The following NBAS variants were observed in gnomAD, a reference collection of about 807,000 sequenced individuals.
The protein encoded by NBAS is NAG/BC035112 fusion.
NBAS carries 219 observed loss-of-function variants against 302.5 expected under a neutral mutation model. The ratio of observed to expected loss-of-function variants is 0.72; its 90% CI spans 0.65 to 0.81. NBAS has a LOEUF of 0.81. Ranked by LOEUF, NBAS falls within the 30% of genes least tolerant of loss-of-function variation. The probability of loss-of-function intolerance (pLI) is 0.00; values close to 1 mark genes in which losing one functional copy is unlikely to be tolerated. For missense variants in NBAS, 2,932 were observed against 2,841.6 expected (o/e 1.03, Z -0.72); for synonymous variants, 1,118 against 1,021.6 (o/e 1.09, Z -1.80).
chr2:15,557,895 T>C (rs1380750894), intron 2 of NBAS, among the ~76,000 whole-genome samples: 2 of 152,210 alleles, frequency 1.3e-5, no homozygotes, highest in African/African-American at 2.4e-5. Context: ...TACGTAAAAT[T>C]TGTCAGGAGT....
chr2:15,437,371 A>C (rs1326773672), intron 21 of NBAS, among the ~76,000 whole-genome samples: 1 of 152,162 alleles, frequency 6.6e-6, no homozygotes, highest in East Asian at 1.9e-4. Context: ...ATAAACAAAG[A>C]AGCACAGAGG....
chr2:15,416,564 G>T (rs1028886662), intron 24 of NBAS, among the ~76,000 whole-genome samples: 2 of 152,118 alleles, frequency 1.3e-5, no homozygotes, highest in Middle Eastern at 3.2e-3. Flanking sequence ...AGCACTTTGG[G>T]AGGCCTAGGC....
the NBAS span, among the ~76,000 whole-genome samples, chr2:15,158,036 G>A: frequency 7.9e-5 from 12 of 152,142 alleles, no homozygotes; most frequent in Admixed American, 2.6e-4. Flanking sequence ...CAAGGGAACC[G>A]GGGGGACTCT....
At chr2:14,991,974 G>A in the NBAS span, among the ~76,000 whole-genome samples, 1 of 152,152 alleles carries the variant, frequency 6.6e-6, no homozygotes, top group Non-Finnish European at 1.5e-5. Flanking sequence ...TACGGAGGAG[G>A]AGCACCTTTG....
At chr2:15,002,300 C>A in the NBAS span, among the ~76,000 whole-genome samples, 96 of 152,298 alleles carry the variant, frequency 6.3e-4, no homozygotes, top group African/African-American at 2.2e-3. Flanking sequence ...CAAGGCCCCA[C>A]CAGAGTAGCT....
At chr2:15,340,048 C>G (rs543547084) in intron 35 of NBAS, among the ~76,000 whole-genome samples, 9 of 152,032 alleles carry the variant, frequency 5.9e-5, no homozygotes, top group Non-Finnish European at 1.3e-4. Flanking sequence ...GAAAAGAGAC[C>G]ATGGGTGTCC....
the NBAS span, among the ~76,000 whole-genome samples, chr2:14,985,841 T>G: frequency 6.6e-6 from 1 of 152,206 alleles, no homozygotes; most frequent in African/African-American, 2.4e-5. Context: ...TAAAATTGCA[T>G]TATTAATTCT....
intron 48 of NBAS, among the ~76,000 whole-genome samples, chr2:15,212,806 C>T (rs1283721541): frequency 3.9e-5 from 6 of 152,200 alleles, no homozygotes; most frequent in Non-Finnish European, 4.4e-5. Flanking sequence ...GACCTGTTTG[C>T]TTCCCCTTCT....
Position 15,234,731 on chromosome 2 carries a change from T to C in NBAS, c.5960A>G (p.Tyr1987Cys), listed in dbSNP as rs1558460939. The change falls in exon 46 of 52, where the codon TAC (tyrosine) becomes TGC (cysteine). Residue 1987 changes from tyrosine (Y) to cysteine (C), a missense_variant. Coordinates refer to ENST00000281513, the MANE Select transcript of NBAS (RefSeq NM_015909.4). ...KNSEQETLQKYSHLYDLSRSE... is the reference protein window; with the variant it reads ...KNSEQETLQKCSHLYDLSRSE... Reference sequence around the variant, plus strand: ...TCGGGACAGATCATAGAGGTGACTGTATTTTTGCAGTGTTTCCTGTAAAGA... The same window carrying C: ...TCGGGACAGATCATAGAGGTGACTGCATTTTTGCAGTGTTTCCTGTAAAGA... 6.2e-7 allele frequency: 1 copy of C among 1,614,150 alleles called. No individual in the cohort carries two copies. Among genetic ancestry groups the C allele is most frequent in the Non-Finnish European group, 8.5e-7 (1 of 1,179,978 alleles).
the NBAS span, among the ~76,000 whole-genome samples, chr2:15,147,216 T>C: frequency 6.6e-6 from 1 of 152,164 alleles, no homozygotes; most frequent in South Asian, 2.1e-4. Flanking sequence ...TGGAGGCTGG[T>C]GCAGCCAGCA....
At chr2:15,325,192 T>C (rs962713337) in intron 38 of NBAS, among the ~76,000 whole-genome samples, 4 of 152,214 alleles carry the variant, frequency 2.6e-5, no homozygotes, top group East Asian at 1.9e-4. Flanking sequence ...GCATACCTCA[T>C]AGATACTGTG....
the NBAS span, among the ~76,000 whole-genome samples, chr2:14,917,627 G>A: frequency 3.9e-5 from 6 of 152,186 alleles, no homozygotes; most frequent in Non-Finnish European, 8.8e-5. Context: ...GGTCAAAACT[G>A]GGCTTTCATG....
chr2:15,374,686 C>A lies in NBAS; in HGVS notation c.3625G>T (p.Ala1209Ser), dbSNP rs147660312. 1.2e-6 allele frequency: 2 copies of A among 1,613,864 alleles called. No homozygotes were observed. Among genetic ancestry groups the A allele is most frequent in the Admixed American group, 3.3e-5 (2 of 60,020 alleles). The change falls in exon 31 of 52, where the codon GCC becomes TCC. Residue 1209 changes from alanine (A) to serine (S), a missense_variant. Ala to Ser is a moderately conservative substitution (Grantham distance 99). Coordinates refer to ENST00000281513, the MANE Select transcript of NBAS (RefSeq NM_015909.4). ...ATAAGATCTAGCTCCTCTTGAATGG[C>A]AGGGGGTCTGTCTGTTATCAGTTGT... Reference protein sequence around the residue: ...CLQLITDRPPAIQEELDLIQA... With the variant: ...CLQLITDRPPSIQEELDLIQA...
rs557149188 is a variant in NBAS, at chr2:15,224,517, G to C, written c.6237-5549C>G. ...CATACTGAAAGTAAACTGGCAACCA[G>C]ATTTTGTGGCTGGCTTGCATAGTAG... On this transcript the variant is annotated intron_variant, in intron 47 of 51. Transcript: ENST00000281513. 2.6e-5 allele frequency among the ~76,000 whole-genome samples: 4 copies of C among 152,316 alleles called. No homozygotes were observed. The East Asian group carries it at 5.8e-4, about 22-fold the overall frequency.
chr2:15,526,895 T>G (rs1051861059), intron 9 of NBAS, among the ~76,000 whole-genome samples: 2 of 152,066 alleles, frequency 1.3e-5, no homozygotes, highest in East Asian at 1.9e-4. Context: ...TAAAAGAAAT[T>G]TATCCCATAA....
At chr2:14,817,946 C>G in the NBAS span, among the ~76,000 whole-genome samples, 1 of 152,018 alleles carries the variant, frequency 6.6e-6, no homozygotes, top group African/African-American at 2.4e-5. Context: ...GTGAGGTTCG[C>G]TATTCTCCAG....
intron 21 of NBAS, among the ~76,000 whole-genome samples, chr2:15,435,759 C>A (rs534612471): frequency 6.6e-6 from 1 of 152,322 alleles, no homozygotes; most frequent in African/African-American, 2.4e-5. Context: ...CACTACTTAT[C>A]TGGACAACCA....
At chr2:15,173,505 A>C (rs564134135) in intron 51 of NBAS, among the ~76,000 whole-genome samples, 1 of 152,226 alleles carries the variant, frequency 6.6e-6, no homozygotes, top group African/African-American at 2.4e-5. Flanking sequence ...TTAAAATATC[A>C]ACCACAAGGG....
chr2:15,555,615 C>T (rs895722595), intron 3 of NBAS, among the ~76,000 whole-genome samples: 9 of 152,072 alleles, frequency 5.9e-5, no homozygotes, highest in Admixed American at 4.6e-4. Context: ...GGTTTAATTA[C>T]CATAAACTCA....
Sources: allele counts gnomAD v4.1 joint callset (sites outside exome capture counted in the v4.1 genomes callset), GRCh38; gene constraint gnomAD v4.1.1; transcripts MANE v1.5; gene names NCBI Gene and HGNC (gene_info 2026-07-23, HGNC 2026-07-21).